Variants in UBR1 observed in about 807,000 individuals in gnomAD.
UBR1 encodes ubiquitin protein ligase E3 component n-recognin 1, also known as E3 ubiquitin-protein ligase UBR1.
Under a neutral mutation model 242.1 loss-of-function variants are expected in UBR1, and 102 were observed. The ratio of observed to expected loss-of-function variants is 0.42; its 90% CI spans 0.36 to 0.50. The LOEUF is 0.50. Ranked by LOEUF, UBR1 falls within the 20% of genes least tolerant of loss-of-function variation. The probability of loss-of-function intolerance (pLI) is 0.01; values close to 1 mark genes in which losing one functional copy is unlikely to be tolerated. For synonymous variants in UBR1, 675 were observed against 684.8 expected, an observed-to-expected ratio of 0.99 and a Z score of 0.22; for missense variants, 1,772 against 2,101.8, an observed-to-expected ratio of 0.84 and a Z score of 3.07.
chr15:43,099,754 A>C lies in UBR1; in HGVS notation c.81+6188T>G, dbSNP rs1443118001. On this transcript the variant is annotated intron_variant, in intron 1 of 46. Coordinates refer to ENST00000290650, the MANE Select transcript of UBR1 (RefSeq NM_174916.3). Reference sequence around the variant, plus strand: ...CAAGCAACAGTTCAGGCCTTCAAGAACTTCACTGTCTAGAAGGAAAGACAC... The same window carrying C: ...CAAGCAACAGTTCAGGCCTTCAAGACCTTCACTGTCTAGAAGGAAAGACAC... Among the ~76,000 whole-genome samples the C allele has an allele frequency of 2.0e-5, 3 of 152,208 alleles. No homozygotes were observed. In the East Asian group the frequency reaches 5.8e-4, roughly 29 times the overall value.
At position 43,075,956 on chromosome 15, in the gene UBR1, G is replaced by GCCCTCTCCCTCTCCCTCT. The variant is rs200961790; in HGVS notation, c.418-885_418-868dup. On this transcript the variant is annotated intron_variant, in intron 3 of 46. Coordinates refer to ENST00000290650, the MANE Select transcript of UBR1 (RefSeq NM_174916.3). ...ATTAAACAAACTTAAAAAAACTCAT[G>GCCCTCTCCCTCTCCCTCT]CCCTCTCCCTCTCCCTCTCCCTCTC... Among the ~76,000 whole-genome samples, 590 of 105,210 alleles carry GCCCTCTCCCTCTCCCTCT rather than the reference G, an allele frequency of 5.6e-3. 7 individuals are homozygous for GCCCTCTCCCTCTCCCTCT. Among genetic ancestry groups the GCCCTCTCCCTCTCCCTCT allele is most frequent in the African/African-American group, 0.02 (574 of 28,422 alleles). The allele number at this position is 105,210 out of a possible 152,430, so 69.0% of individuals were successfully genotyped here. A position where few individuals can be genotyped will look rare whatever the true frequency, so the allele number is the denominator to read the frequency against.
intron 1 of UBR1, among the ~76,000 whole-genome samples, chr15:43,098,091 T>G (rs1320119603): frequency 6.6e-6 from 1 of 152,206 alleles, no homozygotes. Context: ...TAGAGGCCAT[T>G]GTAGGGTTAA....
At chr15:43,037,647 G>C (rs192740942) in intron 17 of UBR1, 126 bp downstream of exon 17, 6 of 776,974 alleles carry the variant, frequency 7.7e-6, no homozygotes, top group Non-Finnish European at 1.3e-5. Context: ...TTCATTTCTA[G>C]GAGTTTATAC....
intron 12 of UBR1, among the ~76,000 whole-genome samples, chr15:43,048,986 A>G (rs1430449915): frequency 6.6e-6 from 1 of 152,262 alleles, no homozygotes; most frequent in Non-Finnish European, 1.5e-5. Context: ...AGAGATAAAC[A>G]AACTCATTTT....
intron 35 of UBR1, among the ~76,000 whole-genome samples, chr15:42,987,675 T>G (rs996391379): frequency 1.6e-5 from 2 of 125,798 alleles, no homozygotes; most frequent in African/African-American, 6.1e-5. Flanking sequence ...ATTGTGCCAC[T>G]GCACTCCAGT....
At chr15:43,050,124 T>G (rs2033536225) in intron 12 of UBR1, among the ~76,000 whole-genome samples, 1 of 152,002 alleles carries the variant, frequency 6.6e-6, no homozygotes, top group Admixed American at 6.6e-5. Context: ...GCTAATTTTA[T>G]TTTTTGTAGA....
rs189096812 is a variant in UBR1 at position 43,037,122 on chromosome 15, C to G, written c.2023-529G>C. Among the ~76,000 whole-genome samples the G allele has an allele frequency of 1.2e-4, 18 of 151,566 alleles. No homozygotes were observed. The South Asian group carries it at 3.3e-3, about 28-fold the overall frequency. ...CAGCACTTTGGGAGGTTCAGGTGAC[C>G]GGATCACCTGAGGTCAGGTGTTCAA... On this transcript the variant is annotated intron_variant, in intron 17 of 46. Transcript: ENST00000290650.
intron 4 of UBR1, among the ~76,000 whole-genome samples, chr15:43,072,715 A>G (rs2033838068): frequency 1.3e-5 from 2 of 152,324 alleles, no homozygotes; most frequent in South Asian, 4.1e-4. Flanking sequence ...GTTTGTTGAA[A>G]TATTTTTATC....
chr15:43,059,249 A>T lies in UBR1; in HGVS notation c.986-57T>A, dbSNP rs913083089. 41 of 1,488,692 alleles carry T rather than the reference A, an allele frequency of 2.8e-5. No homozygotes were observed. In the Middle Eastern group the frequency reaches 6.9e-4, roughly 25 times the overall value. The allele number at this position is 1,488,692 out of a possible 1,614,324, so 92.2% of individuals were successfully genotyped here. A position where few individuals can be genotyped will look rare whatever the true frequency, so the allele number is the denominator to read the frequency against. ...ACTTGTATTCTTTTTCTTTTTAAAT[A>T]GAGATGAGTCTCACTCTGTTGCCCA... On this transcript the variant is annotated intron_variant, in intron 8 of 46. Transcript: ENST00000290650.
chr15:43,043,125 G>A, intron 15 of UBR1, 90 bp downstream of exon 15: 1 of 1,446,200 alleles, frequency 6.9e-7, no homozygotes, highest in Non-Finnish European at 9.6e-7. Context: ...TACATATTGA[G>A]CACAGAACAA....
chr15:42,955,818 C>A (rs1032549673), intron 44 of UBR1, among the ~76,000 whole-genome samples: 1 of 152,088 alleles, frequency 6.6e-6, no homozygotes, highest in East Asian at 1.9e-4. Flanking sequence ...TAATAAGATA[C>A]AAAATTATGT....
In UBR1 at chr15:43,036,996, C is replaced by T. The variant is rs185081716; in HGVS notation, c.2023-403G>A. ...CATGTAGGTTTGTTACAGAGGTAAA[C>T]GCATAATACCATTTTTCTTCCAAGT... On this transcript the variant is annotated intron_variant, in intron 17 of 46. Transcript: ENST00000290650. Among the ~76,000 whole-genome samples, 466 of 150,508 alleles carry T rather than the reference C, an allele frequency of 3.1e-3. 1 individual carries two copies. Among genetic ancestry groups the T allele is most frequent in the African/African-American group, 4.9e-3 (202 of 40,930 alleles).
intron 1 of UBR1, chr15:43,091,978 C>T (rs370134804): frequency 1.1e-5 from 5 of 445,594 alleles, no homozygotes; most frequent in East Asian, 7.3e-5. Flanking sequence ...CCCAGCTATT[C>T]GGGAGGCTGA....
In UBR1 at chr15:43,002,595, C is replaced by T; in HGVS notation, c.3619G>A (p.Val1207Met). The T allele has an allele frequency of 6.2e-7, 1 of 1,614,150 alleles. No individual in the cohort carries two copies. Among genetic ancestry groups the T allele is most frequent in the South Asian group, 1.1e-5 (1 of 91,084 alleles). ...GGTTGCAAAGGAATAATGGGGATCA[C>T]AGTATTGCACAGAGATTTGCAAAGA... ...CPLCKSLCNT[V>M]IPIIPLQPQK... Residue 1207 changes from valine (V) to methionine (M), a missense_variant, in exon 32 of 47, where the codon GTG becomes ATG. By Grantham distance (21) the Val-to-Met change is conservative (BLOSUM62 1). Coordinates refer to ENST00000290650, the MANE Select transcript of UBR1 (RefSeq NM_174916.3).
At chr15:43,016,231 C>CTA (rs1212511194) in intron 28 of UBR1, among the ~76,000 whole-genome samples, 2 of 152,122 alleles carry the variant, frequency 1.3e-5, no homozygotes, top group Non-Finnish European at 2.9e-5. Context: ...ACAGTTACTT[C>CTA]TAAATGCACT....
intron 37 of UBR1, among the ~76,000 whole-genome samples, chr15:42,978,732 CTT>C (rs530091685): frequency 1.0e-4 from 14 of 134,166 alleles, no homozygotes; most frequent in African/African-American, 2.2e-4. Context: ...CTTTTCTTTT[CTT>C]TTTTTTTTTT....
At chr15:43,075,299 T>C in intron 3 of UBR1, among the ~76,000 whole-genome samples, 1 of 152,228 alleles carries the variant, frequency 6.6e-6, no homozygotes, top group African/African-American at 2.4e-5. Context: ...GAATACTTCA[T>C]CATAACAAAA....
chr15:42,984,949 G>T lies in UBR1; in HGVS notation c.3998-7C>A, dbSNP rs768449165. 5.0e-6 allele frequency: 8 copies of T among 1,594,302 alleles called. No homozygotes were observed. The highest frequency in any genetic ancestry group is 1.7e-5 in the Admixed American group (1 of 59,374). The stretch of plus-strand genomic sequence containing the variant: ...TCATCTCCCAATAGATTTTCTCAAA[G>T]AATAAAAAAAAATAAAAATAATAAA... On this transcript the variant is annotated splice_polypyrimidine_tract_variant and splice_region_variant and intron_variant, in intron 35 of 46. Transcript: ENST00000290650.
intron 27 of UBR1, among the ~76,000 whole-genome samples, chr15:43,018,901 A>G (rs985523973): frequency 2.0e-5 from 3 of 152,154 alleles, no homozygotes; most frequent in African/African-American, 7.2e-5. Context: ...TCATAACACC[A>G]TCTCTATGGG....
Sources: allele counts gnomAD v4.1 joint callset (sites outside exome capture counted in the v4.1 genomes callset), GRCh38; gene constraint gnomAD v4.1.1; transcripts MANE v1.5; gene names NCBI Gene and HGNC (gene_info 2026-07-23, HGNC 2026-07-21).